Variants in YIPF1 observed in about 807,000 individuals in gnomAD.
The protein encoded by YIPF1 is Yip1 domain family member 1.
Under a neutral mutation model 37.0 loss-of-function variants are expected in YIPF1, and 22 were observed. The ratio of observed to expected loss-of-function variants is 0.59; its 90% CI spans 0.42 to 0.85. The LOEUF (loss-of-function observed/expected upper bound fraction) is 0.85. YIPF1 is among the 40% of genes least tolerant of loss of function. The pLI is 0.00. For synonymous variants in YIPF1, 128 were observed against 131.9 expected (o/e 0.97, Z 0.21); for missense variants, 355 against 373.1 (o/e 0.95, Z 0.40).
intron 7 of YIPF1, among the ~76,000 whole-genome samples, chr1:53,869,442 G>A (rs1321213727): frequency 6.6e-6 from 1 of 152,106 alleles, no homozygotes; most frequent in Admixed American, 6.5e-5. Context: ...CAATAGTCCT[G>A]TAAGATAAAT....
chr1:53,880,886 C>T (rs1440571439), intron 4 of YIPF1, among the ~76,000 whole-genome samples: 1 of 152,120 alleles, frequency 6.6e-6, no homozygotes. Flanking sequence ...TGGACCCCTT[C>T]CTTATACCAT....
intron 7 of YIPF1, among the ~76,000 whole-genome samples, chr1:53,868,929 T>C (rs1180640862): frequency 2.0e-5 from 3 of 152,312 alleles, no homozygotes; most frequent in African/African-American, 4.8e-5. Flanking sequence ...TTTACAGCAA[T>C]AGTCATTTAC....
chr1:53,881,801 C>T (rs1334670565), intron 4 of YIPF1, among the ~76,000 whole-genome samples: 1 of 152,112 alleles, frequency 6.6e-6, no homozygotes, highest in African/African-American at 2.4e-5. Context: ...GACAGTGTGG[C>T]GATTCCTCAA....
At chr1:53,860,019 T>C (rs1369335289) in intron 10 of YIPF1, 37 bp downstream of exon 10, 1 of 1,603,274 alleles carries the variant, frequency 6.2e-7, no homozygotes, top group Non-Finnish European at 8.5e-7. Flanking sequence ...CCATGTTTTA[T>C]GGCACCACAC....
At chr1:53,869,524 G>A (rs1190699112) in intron 7 of YIPF1, among the ~76,000 whole-genome samples, 2 of 152,140 alleles carry the variant, frequency 1.3e-5, no homozygotes, top group African/African-American at 4.8e-5. Context: ...CAGAGTAGAA[G>A]CTAGTGAGTG....
chr1:53,881,258 A>AAG (rs1650491484), intron 4 of YIPF1, among the ~76,000 whole-genome samples: 1 of 149,520 alleles, frequency 6.7e-6, no homozygotes, highest in Non-Finnish European at 1.5e-5. Flanking sequence ...AAAAAAAAAA[A>AAG]AAAGAAAAAG....
Position 53,878,678 on chromosome 1 carries a change from T to C in YIPF1, c.240A>G (p.Glu80=), listed in dbSNP as rs1650400542. 1 of 1,600,114 alleles carries C rather than the reference T, an allele frequency of 6.2e-7. No individual in the cohort carries two copies. Among genetic ancestry groups the C allele is most frequent in the Non-Finnish European group, 8.5e-7 (1 of 1,177,158 alleles). ...CCACATCAAAGAATGTTTGGTAGTA[T>C]TCAAATGTCCAGAAGGGGGAGCTTT... ...QKKSSPFWTF[E]YYQTFFDVDT... The change falls in exon 5 of 11, where the codon GAA becomes GAG. Residue 80 remains glutamate, a synonymous_variant. Coordinates refer to ENST00000072644, the MANE Select transcript of YIPF1 (RefSeq NM_018982.5).
Position 53,884,915 on chromosome 1 carries a change from T to C in YIPF1, c.32-1639A>G, listed in dbSNP as rs142077774. Among the ~76,000 whole-genome samples the C allele has an allele frequency of 1.5e-4, 23 of 152,348 alleles. No homozygotes were observed. The East Asian group carries it at 3.5e-3, about 23-fold the overall frequency. ...AGTAGGACAGCTGAGTTCACTCTTA[T>C]TGCCTCTCAACTATATGAGCAGTTT... On this transcript the variant is annotated intron_variant, in intron 3 of 10. Transcript: ENST00000072644.
chr1:53,865,452 T>A (rs1216686695), intron 9 of YIPF1, among the ~76,000 whole-genome samples: 2 of 152,220 alleles, frequency 1.3e-5, no homozygotes, highest in Non-Finnish European at 2.9e-5. Flanking sequence ...ACTATTTACA[T>A]AGCATTTACA....
intron 6 of YIPF1, among the ~76,000 whole-genome samples, chr1:53,877,974 G>A (rs1650376540): frequency 6.6e-6 from 1 of 152,106 alleles, no homozygotes; most frequent in Non-Finnish European, 1.5e-5. Context: ...TAGAGACAGG[G>A]TCTTGCTATG....
intron 6 of YIPF1, among the ~76,000 whole-genome samples, chr1:53,875,589 C>T (rs1335997042): frequency 6.6e-6 from 1 of 152,218 alleles, no homozygotes; most frequent in African/African-American, 2.4e-5. Context: ...ATGCCAAAGT[C>T]CTCACTGTGA....
rs1023305230 is a variant in YIPF1 at position 53,889,043 on chromosome 1, A to G, written c.-49-57T>C. ...ATGACAGTATAAAGTATCTGCAAACAACTCTTATGTATTAGAAATGGTATC... is the reference window on the plus strand; with the variant it reads ...ATGACAGTATAAAGTATCTGCAAACGACTCTTATGTATTAGAAATGGTATC... On this transcript the variant is annotated intron_variant, in intron 2 of 10. Transcript: ENST00000072644. 10 of 927,104 alleles carry G rather than the reference A, an allele frequency of 1.1e-5. No individual in the cohort carries two copies. In the Admixed American group the frequency reaches 1.3e-4, roughly 12 times the overall value. The allele number at this position is 927,104 out of a possible 1,614,324, so 57.4% of individuals were successfully genotyped here.
chr1:53,885,696 G>A (rs988706621), intron 3 of YIPF1, among the ~76,000 whole-genome samples: 11 of 151,076 alleles, frequency 7.3e-5, no homozygotes, highest in Non-Finnish European at 1.0e-4. Flanking sequence ...TGGTGGACAC[G>A]TGTAATCCCA....
In YIPF1 at chr1:53,872,162, G is replaced by T. The variant is rs79209224; in HGVS notation, c.365-674C>A. Among the ~76,000 whole-genome samples the T allele has an allele frequency of 7.9e-3, 1,204 of 151,912 alleles. 9 individuals are homozygous for T. Among genetic ancestry groups the T allele is most frequent in the African/African-American group, 0.028 (1,162 of 41,434 alleles). Reference sequence around the variant, plus strand: ...ATGTATATGGTCCAGTGTTTCAAAAGGTACAAAGGGAATATGGAGAACAGC... The same window carrying T: ...ATGTATATGGTCCAGTGTTTCAAAATGTACAAAGGGAATATGGAGAACAGC... On this transcript the variant is annotated intron_variant, in intron 6 of 10. Coordinates refer to ENST00000072644, the MANE Select transcript of YIPF1 (RefSeq NM_018982.5).
chr1:53,879,093 T>A (rs1443824373), intron 4 of YIPF1, among the ~76,000 whole-genome samples: 1 of 136,760 alleles, frequency 7.3e-6, no homozygotes, highest in Non-Finnish European at 1.6e-5. Context: ...AGTGTAAATA[T>A]CTTTTCGCTT....
chr1:53,882,373 C>T (rs1238539176), intron 4 of YIPF1, among the ~76,000 whole-genome samples: 13 of 151,724 alleles, frequency 8.6e-5, no homozygotes, highest in Admixed American at 8.5e-4. Flanking sequence ...CAATTAAAGT[C>T]GACAGTGGCA....
At chr1:53,861,011 T>A (rs1649857084) in intron 9 of YIPF1, among the ~76,000 whole-genome samples, 2 of 152,302 alleles carry the variant, frequency 1.3e-5, no homozygotes, top group African/African-American at 4.8e-5. Context: ...CTTAGGAAGG[T>A]ACACTGTTGG....
At position 53,852,045 on chromosome 1, in the gene YIPF1, G is replaced by C. The variant is rs567311199; in HGVS notation, c.*234C>G. The C allele has an allele frequency of 6.6e-6, 1 of 152,312 alleles. No individual in the cohort carries two copies. Among genetic ancestry groups the C allele is most frequent in the Non-Finnish European group, 1.5e-5 (1 of 68,028 alleles). 9.4% of individuals were successfully genotyped at this position (152,312 alleles called of 1,614,324 possible). On this transcript the variant is annotated 3_prime_UTR_variant, in exon 11 of 11. Transcript: ENST00000072644. ...TCCCTGGCATTTCAGTCCAATCAGCGCATGCTCGCAATGATCATCCATGGG... is the reference window on the plus strand; with the variant it reads ...TCCCTGGCATTTCAGTCCAATCAGCCCATGCTCGCAATGATCATCCATGGG...
intron 10 of YIPF1, among the ~76,000 whole-genome samples, chr1:53,853,063 C>T (rs1237695730): frequency 6.6e-6 from 1 of 152,116 alleles, no homozygotes; most frequent in East Asian, 1.9e-4. Context: ...GGGGAATCTA[C>T]AATCTACCTT....
Sources: gnomAD v4.1 joint callset for allele counts (sites outside exome capture counted in the v4.1 genomes callset) on GRCh38, gnomAD v4.1.1 for gene constraint, MANE v1.5 for transcripts, NCBI Gene and HGNC (gene_info 2026-07-23, HGNC 2026-07-21) for gene names.